Variants in WDR89 observed in about 807,000 individuals in gnomAD.
The protein encoded by WDR89 is WD repeat domain 89.
A neutral mutation model predicts 29.1 loss-of-function variants in WDR89; 17 were observed. That is an observed-to-expected ratio of 0.58 (90% CI 0.40 to 0.88). WDR89 has a LOEUF of 0.88. WDR89 is among the 40% of genes least tolerant of loss of function. The pLI is 0.00. For synonymous variants in WDR89, 138 were observed against 157.8 expected (o/e 0.87, Z 0.94); for missense variants, 396 against 456.3 (o/e 0.87, Z 1.20).
chr14:63,629,895 A>C (rs1883289908), intron 1 of WDR89, among the ~76,000 whole-genome samples: 1 of 152,238 alleles, frequency 6.6e-6, no homozygotes, highest in African/African-American at 2.4e-5. Flanking sequence ...ATTTGAATAA[A>C]TAAATGAATT....
At chr14:63,629,933 A>G in intron 1 of WDR89, among the ~76,000 whole-genome samples, 1 of 152,148 alleles carries the variant, frequency 6.6e-6, no homozygotes, top group Non-Finnish European at 1.5e-5. Flanking sequence ...AAAATATTAC[A>G]TATTCAGAGT....
chr14:63,625,454 C>T (rs1286177034), intron 1 of WDR89, among the ~76,000 whole-genome samples: 5 of 150,188 alleles, frequency 3.3e-5, no homozygotes, highest in African/African-American at 7.5e-5. Context: ...AAACTACATA[C>T]TTACAAAGTT....
chr14:63,599,683 G>A lies in WDR89; in HGVS notation c.260C>T (p.Ser87Leu), dbSNP rs1894963116. 1 of 1,614,190 alleles carries A rather than the reference G, an allele frequency of 6.2e-7. No individual in the cohort carries two copies. Among genetic ancestry groups the A allele is most frequent in the Non-Finnish European group, 8.5e-7 (1 of 1,180,040 alleles). The change falls in exon 3 of 3, where the codon TCA (serine) becomes TTA (leucine). Residue 87 changes from serine to leucine, a missense_variant. Transcript: ENST00000620954. ...RFANSCDSVY[S>L]ACTDGTVKCW... is the part of the protein sequence containing the mutation. The stretch of plus-strand genomic sequence containing the variant: ...TTTCACAGTGCCATCAGTACATGCT[G>A]AATATACACTGTCACAGGAATTTGC...
intron 2 of WDR89, among the ~76,000 whole-genome samples, chr14:63,608,963 T>C (rs1157048041): frequency 6.6e-6 from 1 of 151,872 alleles, no homozygotes; most frequent in Non-Finnish European, 1.5e-5. Flanking sequence ...TGGCTGGGTG[T>C]GGTGGTGCAC....
At chr14:63,605,361 AAAGT>A (rs1364165338) in intron 2 of WDR89, among the ~76,000 whole-genome samples, 1 of 152,158 alleles carries the variant, frequency 6.6e-6, no homozygotes, top group Non-Finnish European at 1.5e-5. Flanking sequence ...CAGTCATATA[AAAGT>A]ATAGTGCATA....
chr14:63,630,516 G>T (rs915919736), intron 1 of WDR89, among the ~76,000 whole-genome samples: 2 of 151,832 alleles, frequency 1.3e-5, no homozygotes, highest in African/African-American at 2.4e-5. Flanking sequence ...GGTGGCCCAC[G>T]CCTGTAATCC....
intron 1 of WDR89, among the ~76,000 whole-genome samples, chr14:63,639,198 T>C (rs141100243): frequency 2.6e-4 from 40 of 152,200 alleles, no homozygotes; most frequent in African/African-American, 9.4e-4. Context: ...TGAAACTGAT[T>C]TCATACTTCT....
At chr14:63,617,028 C>A (rs1283841305) in intron 2 of WDR89, among the ~76,000 whole-genome samples, 4 of 148,388 alleles carry the variant, frequency 2.7e-5, no homozygotes, top group Non-Finnish European at 5.9e-5. Context: ...CTGGCTTAAG[C>A]AGCAAGGTAA....
At chr14:63,623,308 G>T (rs555576443) in intron 2 of WDR89, among the ~76,000 whole-genome samples, 1 of 149,088 alleles carries the variant, frequency 6.7e-6, no homozygotes, top group Admixed American at 6.7e-5. Flanking sequence ...CAATCATAGA[G>T]AAAAAGTACC....
chr14:63,619,030 G>A (rs1323671551), intron 2 of WDR89, among the ~76,000 whole-genome samples: 1 of 152,344 alleles, frequency 6.6e-6, no homozygotes, highest in East Asian at 1.9e-4. Flanking sequence ...GATATTTTAT[G>A]TGTGCGTATT....
At position 63,598,571 on chromosome 14, in the gene WDR89, T is replaced by G; in HGVS notation, c.*208A>C. 2.6e-6 allele frequency: 1 copy of G among 391,302 alleles called. No individual in the cohort carries two copies. Among genetic ancestry groups the G allele is most frequent in the Non-Finnish European group, 4.4e-6 (1 of 226,386 alleles). The allele number at this position is 391,302 out of a possible 1,614,324, so 24.2% of individuals were successfully genotyped here. On this transcript the variant is annotated 3_prime_UTR_variant, in exon 3 of 3. Transcript: ENST00000620954. Reference sequence around the variant, plus strand: ...GGTTCTTTAAATAAGAAATTTTACTTTCAACTCACTGATTTTATACTTAGA... The same window carrying G: ...GGTTCTTTAAATAAGAAATTTTACTGTCAACTCACTGATTTTATACTTAGA...
At chr14:63,627,181 CT>C (rs1883129232) in intron 1 of WDR89, among the ~76,000 whole-genome samples, 1 of 150,122 alleles carries the variant, frequency 6.7e-6, no homozygotes, top group Non-Finnish European at 1.5e-5. Context: ...CTCTCTCTCT[CT>C]CCTCTCTAAA....
chr14:63,605,551 C>T (rs1292405448), intron 2 of WDR89, among the ~76,000 whole-genome samples: 3 of 151,990 alleles, frequency 2.0e-5, no homozygotes, highest in Non-Finnish European at 4.4e-5. Flanking sequence ...CCTCTGCCTC[C>T]CGGGTTCAAG....
intron 1 of WDR89, among the ~76,000 whole-genome samples, chr14:63,638,091 C>T (rs1371540527): frequency 3.9e-5 from 6 of 152,052 alleles, no homozygotes; most frequent in Admixed American, 6.6e-5. Context: ...ACTACAGGCA[C>T]GCACCATCAT....
chr14:63,613,612 T>G (rs1408636706), intron 2 of WDR89, among the ~76,000 whole-genome samples: 2 of 151,270 alleles, frequency 1.3e-5, no homozygotes, highest in Non-Finnish European at 2.9e-5. Flanking sequence ...CAAGCAATTC[T>G]CTGCCTCAGC....
rs1894902935 is a variant in WDR89 at position 63,598,783 on chromosome 14, T to C, written c.1160A>G (p.Gln387Arg). The C allele has an allele frequency of 6.3e-7, 1 of 1,578,450 alleles. No homozygotes were observed. Among genetic ancestry groups the C allele is most frequent in the Admixed American group, 1.8e-5 (1 of 54,244 alleles). The change falls in exon 3 of 3, where the codon CAG (glutamine) becomes CGG (arginine). Residue 387 changes from glutamine to arginine, a missense_variant. Gln to Arg is a conservative substitution (Grantham distance 43, BLOSUM62 1). Transcript: ENST00000620954. ...AACAAAGTGCCAAATGCATTATCACTGCTTTTTCCTTCTTTTATAAGAATC... is the reference window on the plus strand; with the variant it reads ...AACAAAGTGCCAAATGCATTATCACCGCTTTTTCCTTCTTTTATAAGAATC... Reference protein sequence around the residue: ...SNDSYKRRKKQ With the variant: ...SNDSYKRRKKR
chr14:63,599,150 C>T lies in WDR89; in HGVS notation c.793G>A (p.Glu265Lys), dbSNP rs1380429407. 3.1e-6 allele frequency: 5 copies of T among 1,613,262 alleles called. No homozygotes were observed. Among genetic ancestry groups the T allele is most frequent in the Non-Finnish European group, 1.7e-6 (2 of 1,179,402 alleles). ...VTRLNIQDVR[E>K]VVNMKEDALD... ...GCATCTTCTTTCATGTTAACTACTT[C>T]TCTGACATCCTGGATGTTCAAACGT... Residue 265 changes from glutamate to lysine, a missense_variant, in exon 3 of 3, where the codon GAA (glutamate) becomes AAA (lysine). Coordinates refer to ENST00000620954, the MANE Select transcript of WDR89 (RefSeq NM_080666.4).
At chr14:63,634,572 C>T (rs1213585353) in intron 1 of WDR89, among the ~76,000 whole-genome samples, 1 of 151,140 alleles carries the variant, frequency 6.6e-6, no homozygotes, top group East Asian at 2.0e-4. Context: ...AAATAGATAG[C>T]TTAAAGAAAA....
At chr14:63,628,526 T>C (rs1883209059) in intron 1 of WDR89, among the ~76,000 whole-genome samples, 1 of 152,184 alleles carries the variant, frequency 6.6e-6, no homozygotes, top group Non-Finnish European at 1.5e-5. Flanking sequence ...CAAGATCTTT[T>C]AGATAAGATG....
Sources: allele counts gnomAD v4.1 joint callset (sites outside exome capture counted in the v4.1 genomes callset), GRCh38; gene constraint gnomAD v4.1.1; transcripts MANE v1.5; gene names NCBI Gene and HGNC (gene_info 2026-07-23, HGNC 2026-07-21).